The following PNLIPRP1 variants were observed in gnomAD, a reference collection of about 807,000 sequenced individuals.
PNLIPRP1 encodes the protein inactive pancreatic lipase-related protein 1.
Under a neutral mutation model 54.6 loss-of-function variants are expected in PNLIPRP1, and 57 were observed. The observed-to-expected ratio is 1.04, with a 90% CI of 0.84 to 1.30. The LOEUF (loss-of-function observed/expected upper bound fraction) is 1.30. PNLIPRP1 is among the 50% of genes most tolerant of loss of function. The pLI is 0.00. For synonymous variants in PNLIPRP1, 232 were observed against 208.8 expected (o/e 1.11, Z -0.96); for missense variants, 567 against 568.5 (o/e 1.00, Z 0.03).
intron 4 of PNLIPRP1, 52 bp from the exon 5 acceptor site, chr10:116,594,678 G>A (rs1847702351): frequency 1.9e-6 from 3 of 1,607,848 alleles, no homozygotes; most frequent in Non-Finnish European, 1.7e-6. Flanking sequence ...GGCTGGATAA[G>A]GTTTCCCCTG....
chr10:116,598,081 C>T lies in PNLIPRP1; in HGVS notation c.729C>T (p.Asp243=). ...CGAACCAACAGATGGGTCATCTTGACTTCTTCCCCAATGGAGGAGAGAGCA... is the reference window on the plus strand; with the variant it reads ...CGAACCAACAGATGGGTCATCTTGATTTCTTCCCCAATGGAGGAGAGAGCA... The part of the protein sequence containing the change: ...FGTNQQMGHL[D]FFPNGGESMP... The change falls in exon 8 of 13, where the codon GAC becomes GAT. Residue 243 remains aspartate (D), a synonymous_variant. Coordinates refer to ENST00000358834, the MANE Select transcript of PNLIPRP1 (RefSeq NM_006229.4). 1 of 1,614,166 alleles carries T rather than the reference C, an allele frequency of 6.2e-7. No individual in the cohort carries two copies. Among genetic ancestry groups the T allele is most frequent in the East Asian group, 2.2e-5 (1 of 44,884 alleles).
chr10:116,591,054 A>G, intron 1 of PNLIPRP1, 59 bp downstream of exon 1: 1 of 1,132,278 alleles, frequency 8.8e-7, no homozygotes, highest in Non-Finnish European at 1.3e-6. Context: ...GGTAAACAGT[A>G]CTGAAGTCCA....
chr10:116,609,118 C>T lies in PNLIPRP1; in HGVS notation c.*2C>T, dbSNP rs1847984597. Reference sequence around the variant, plus strand: ...CTGCTCACCCTCACGCCCTGCTAAGCTCCCGGGGCGACGAGGCTGCTGCGT... The same window carrying T: ...CTGCTCACCCTCACGCCCTGCTAAGTTCCCGGGGCGACGAGGCTGCTGCGT... On this transcript the variant is annotated 3_prime_UTR_variant, in exon 13 of 13. Transcript: ENST00000358834. 1 of 1,605,460 alleles carries T rather than the reference C, an allele frequency of 6.2e-7. No homozygotes were observed. Among genetic ancestry groups the T allele is most frequent in the Non-Finnish European group, 8.5e-7 (1 of 1,174,814 alleles).
rs144293769 is a variant in PNLIPRP1, at chr10:116,597,902, G to T, written c.649G>T (p.Val217Phe). ...VRLDPSDADF[V>F]DVIHTDAAPL... ...ACTTGATCCCTCTGATGCTGACTTTGTTGATGTGATTCACACGGATGCAGC... is the reference window on the plus strand; with the variant it reads ...ACTTGATCCCTCTGATGCTGACTTTTTTGATGTGATTCACACGGATGCAGC... Residue 217 changes from valine (V) to phenylalanine (F), a missense_variant, in exon 7 of 13, where the codon GTT (valine) becomes TTT (phenylalanine). Transcript: ENST00000358834. 2 of 1,614,230 alleles carry T rather than the reference G, an allele frequency of 1.2e-6. No homozygotes were observed. The highest frequency in any genetic ancestry group is 8.5e-7 in the Non-Finnish European group (1 of 1,180,034).
intron 2 of PNLIPRP1, 87 bp downstream of exon 2, chr10:116,591,265 T>TGAGAGCTTAAGTTTAAG: frequency 1.0e-6 from 1 of 967,850 alleles, no homozygotes; most frequent in Non-Finnish European, 1.6e-6. Context: ...GTGGCAGGGC[T>TGAGAGCTTAAGTTTAAG]CCCAGCAGCT....
intron 6 of PNLIPRP1, among the ~76,000 whole-genome samples, chr10:116,597,267 G>A (rs1847753194): frequency 1.3e-5 from 2 of 152,196 alleles, no homozygotes; most frequent in African/African-American, 2.4e-5. Flanking sequence ...ACCAGGCATT[G>A]TGCTAAGTGC....
intron 8 of PNLIPRP1, among the ~76,000 whole-genome samples, chr10:116,598,746 A>T (rs1242503060): frequency 6.6e-6 from 1 of 152,178 alleles, no homozygotes; most frequent in Non-Finnish European, 1.5e-5. Flanking sequence ...GATCTAGCAC[A>T]CTTGGGAAGA....
At chr10:116,608,058 G>A (rs1454486093) in intron 12 of PNLIPRP1, among the ~76,000 whole-genome samples, 1 of 152,104 alleles carries the variant, frequency 6.6e-6, no homozygotes, top group Non-Finnish European at 1.5e-5. Flanking sequence ...GTCTCACCAT[G>A]TTGGCCAGGC....
chr10:116,594,447 T>C (rs1238327784), intron 4 of PNLIPRP1: 4 of 538,554 alleles, frequency 7.4e-6, no homozygotes, highest in South Asian at 5.0e-5. Context: ...CATGATGCAA[T>C]TGTTTTTCCC....
chr10:116,594,351 C>G (rs1554863648), intron 4 of PNLIPRP1: 1 of 519,712 alleles, frequency 1.9e-6, no homozygotes, highest in Admixed American at 2.0e-5. Flanking sequence ...GAAAGGACCC[C>G]TTACAGTCAA....
chr10:116,600,179 C>G lies in PNLIPRP1; in HGVS notation c.933+14C>G. On this transcript the variant is annotated intron_variant, in intron 9 of 12. Coordinates refer to ENST00000358834, the MANE Select transcript of PNLIPRP1 (RefSeq NM_006229.4). Reference sequence around the variant, plus strand: ...TCCTTTGAGTCTGTAAGCTATTGTCCTGCCTCGAGCAACAAGCATCACCCC... The same window carrying G: ...TCCTTTGAGTCTGTAAGCTATTGTCGTGCCTCGAGCAACAAGCATCACCCC... 1 of 1,531,242 alleles carries G rather than the reference C, an allele frequency of 6.5e-7. No individual in the cohort carries two copies. The highest frequency in any genetic ancestry group is 9.1e-7 in the Non-Finnish European group (1 of 1,104,496). The allele number at this position is 1,531,242 out of a possible 1,614,324, so 94.9% of individuals were successfully genotyped here. A position where few individuals can be genotyped will look rare whatever the true frequency, so the allele number is the denominator to read the frequency against.
Position 116,600,116 on chromosome 10 carries a change from C to A in PNLIPRP1, c.884C>A (p.Pro295His). 9.9e-6 allele frequency: 16 copies of A among 1,613,886 alleles called. No individual in the cohort carries two copies. The highest frequency in any genetic ancestry group is 1.4e-5 in the Non-Finnish European group (16 of 1,179,848). Residue 295 changes from proline (P) to histidine (H), a missense_variant, in exon 9 of 13, where the codon CCC (proline) becomes CAC (histidine). Transcript: ENST00000358834. ...YKYYLESILN[P>H]DGFAAYPCTS... is the part of the protein sequence containing the mutation. ...TATTACTTGGAAAGCATCCTCAATCCCGATGGGTTTGCTGCATATCCCTGC... is the reference window on the plus strand; with the variant it reads ...TATTACTTGGAAAGCATCCTCAATCACGATGGGTTTGCTGCATATCCCTGC...
intron 10 of PNLIPRP1, among the ~76,000 whole-genome samples, chr10:116,602,664 G>A (rs1246556542): frequency 2.0e-5 from 3 of 152,214 alleles, no homozygotes; most frequent in South Asian, 4.1e-4. Flanking sequence ...CTGAAGACAC[G>A]AAAGATGAAT....
chr10:116,600,088 A>T lies in PNLIPRP1; in HGVS notation c.856A>T (p.Lys286Ter). 1 of 1,614,086 alleles carries T rather than the reference A, an allele frequency of 6.2e-7. No individual in the cohort carries two copies. Among genetic ancestry groups the T allele is most frequent in the Non-Finnish European group, 8.5e-7 (1 of 1,179,962 alleles). Residue 286 changes from lysine to a stop codon, truncating the protein, a stop_gained, in exon 9 of 13, where the codon AAG becomes TAG. Transcript: ENST00000358834. LOFTEE classifies it high-confidence loss of function. ...FVACNHLRSY[K>*]YYLESILNPD... ...GGCTTGCAATCACCTAAGAAGCTAC[A>T]AGTATTACTTGGAAAGCATCCTCAA... is the stretch of plus-strand genomic sequence containing the variant.
Position 116,591,181 on chromosome 10 carries a change from A to G in PNLIPRP1, c.49+3A>G, listed in dbSNP as rs1554863084. ...TTTCCTGCTGGGAGCAGCCAAAGGT[A>G]AGAAACACCACTCCTGCCCCGTAGG... is the stretch of plus-strand genomic sequence containing the variant. On this transcript the variant is annotated splice_donor_region_variant and intron_variant, in intron 2 of 12. Transcript: ENST00000358834. 1 of 1,611,286 alleles carries G rather than the reference A, an allele frequency of 6.2e-7. No individual in the cohort carries two copies.
Position 116,591,909 on chromosome 10 carries a change from A to G in PNLIPRP1, c.188A>G (p.Asn63Ser), listed in dbSNP as rs782500473. The G allele has an allele frequency of 1.9e-6, 3 of 1,613,852 alleles. No homozygotes were observed. Among genetic ancestry groups the G allele is most frequent in the Non-Finnish European group, 2.5e-6 (3 of 1,180,012 alleles). The change falls in exon 3 of 13, where the codon AAC becomes AGC. Residue 63 changes from asparagine (N) to serine (S), a missense_variant. By Grantham distance (46) the Asn-to-Ser change is conservative. Coordinates refer to ENST00000358834, the MANE Select transcript of PNLIPRP1 (RefSeq NM_006229.4). ...CGCTTCCTGCTGTACACCAATGAAA[A>G]CCCAAACAACTTTCAAGTGAGACCT... is the stretch of plus-strand genomic sequence containing the variant. ...GTRFLLYTNE[N>S]PNNFQILLLS...
chr10:116,605,240 G>A (rs1004314721), intron 11 of PNLIPRP1, 146 bp from the exon 12 acceptor site: 6 of 500,288 alleles, frequency 1.2e-5, no homozygotes, highest in Non-Finnish European at 2.1e-5. Flanking sequence ...GCATATAGCT[G>A]GCTTTTCCAT....
In PNLIPRP1 at chr10:116,592,465, T is replaced by C. The variant is rs1267366378; in HGVS notation, c.254T>C (p.Met85Thr). ...ACAATTGAGGCATCAAATTTTCAAA[T>C]GGACAGAAAGACCCGGTTCATCATC... ...PSTIEASNFQ[M>T]DRKTRFIIHG... Residue 85 changes from methionine (M) to threonine (T), a missense_variant, in exon 4 of 13, where the codon ATG becomes ACG. By Grantham distance (81) the Met-to-Thr change is moderately conservative (BLOSUM62 -1). Coordinates refer to ENST00000358834, the MANE Select transcript of PNLIPRP1 (RefSeq NM_006229.4). 1.2e-6 allele frequency: 2 copies of C among 1,613,594 alleles called. No homozygotes were observed. The highest frequency in any genetic ancestry group is 1.3e-5 in the African/African-American group (1 of 75,024).
chr10:116,594,979 C>T (rs1847710558), intron 5 of PNLIPRP1, 115 bp downstream of exon 5: 2 of 1,281,666 alleles, frequency 1.6e-6, no homozygotes, highest in South Asian at 2.9e-5. Context: ...GATATCCAGA[C>T]CTTACTTCTA....
Sources: allele counts gnomAD v4.1 joint callset (sites outside exome capture counted in the v4.1 genomes callset), GRCh38; gene constraint gnomAD v4.1.1; transcripts MANE v1.5; gene names NCBI Gene and HGNC (gene_info 2026-07-23, HGNC 2026-07-21).